Variants in CACNA2D1 observed in about 807,000 individuals in gnomAD.
CACNA2D1 encodes the protein calcium voltage-gated channel auxiliary subunit alpha2delta 1, also known as voltage-dependent calcium channel subunit alpha-2/delta-1.
Under a neutral mutation model 171.5 loss-of-function variants are expected in CACNA2D1, and 53 were observed. The ratio of observed to expected loss-of-function variants is 0.31; its 90% confidence interval spans 0.25 to 0.39. CACNA2D1 has a LOEUF of 0.39. CACNA2D1 is among the 10% of genes least tolerant of loss of function. CACNA2D1 has a pLI of 1.00. For missense variants in CACNA2D1, 903 were observed against 1,299.8 expected (o/e 0.69, Z 4.69); for synonymous variants, 442 against 443.1 (o/e 1.00, Z 0.03).
intron 6 of CACNA2D1, among the ~76,000 whole-genome samples, chr7:82,098,869 T>A (rs1249175784): frequency 6.6e-6 from 1 of 152,198 alleles, no homozygotes; most frequent in Admixed American, 6.5e-5. Flanking sequence ...TAGAAACTTA[T>A]CAGATTTTTA....
chr7:82,353,270 T>C (rs1026965882), intron 1 of CACNA2D1, among the ~76,000 whole-genome samples: 13 of 152,048 alleles, frequency 8.5e-5, no homozygotes, highest in South Asian at 4.2e-4. Flanking sequence ...CTGTTGGATA[T>C]AGAAAGTGAA....
At chr7:82,149,868 A>G (rs1793608094) in intron 4 of CACNA2D1, among the ~76,000 whole-genome samples, 1 of 151,304 alleles carries the variant, frequency 6.6e-6, no homozygotes, top group South Asian at 2.1e-4. Flanking sequence ...GAGGCAGGAG[A>G]ATGGCGTGAA....
intron 12 of CACNA2D1, among the ~76,000 whole-genome samples, chr7:82,016,013 G>T (rs939899895): frequency 3.0e-4 from 45 of 152,160 alleles, no homozygotes; most frequent in African/African-American, 1.0e-3. Context: ...ACTTCAAACT[G>T]TAAGAATAAA....
rs767396763 is a variant in CACNA2D1 at position 81,982,582 on chromosome 7, G to A, written c.1940C>T (p.Thr647Ile). 6.2e-7 allele frequency: 1 copy of A among 1,603,860 alleles called. No homozygotes were observed. The highest frequency in any genetic ancestry group is 2.2e-5 in the East Asian group (1 of 44,756). ...CAAAACCAACCTTGGTGCTATGAAT[G>A]TATAGCCAGATTCTTCAAAATTATC... ...KPDNFEESGY[T>I]FIAPRDYCND... The change falls in exon 24 of 39, where the codon ACA (threonine) becomes ATA (isoleucine). Residue 647 changes from threonine to isoleucine, a missense_variant. Physicochemically the swap from Thr to Ile is moderately conservative, Grantham distance 89 (BLOSUM62 -1). Coordinates refer to ENST00000356860, the MANE Select transcript of CACNA2D1 (RefSeq NM_000722.4).
At chr7:82,420,707 T>C (rs762904696) in intron 1 of CACNA2D1, among the ~76,000 whole-genome samples, 2 of 152,206 alleles carry the variant, frequency 1.3e-5, no homozygotes, top group African/African-American at 2.4e-5. Flanking sequence ...CCTTGCCGCA[T>C]TATTTATAAA....
chr7:82,247,927 C>A (rs1805131045), intron 3 of CACNA2D1, among the ~76,000 whole-genome samples: 1 of 152,126 alleles, frequency 6.6e-6, no homozygotes, highest in Admixed American at 6.6e-5. Context: ...TTAGAACAAG[C>A]CAAGTTATCC....
At chr7:82,235,912 T>C (rs1459762774) in intron 3 of CACNA2D1, among the ~76,000 whole-genome samples, 1 of 152,128 alleles carries the variant, frequency 6.6e-6, no homozygotes, top group Non-Finnish European at 1.5e-5. Context: ...GATATTTCCA[T>C]GACTCATTCC....
chr7:81,980,811 G>T (rs1796367321), intron 24 of CACNA2D1, among the ~76,000 whole-genome samples: 1 of 152,086 alleles, frequency 6.6e-6, no homozygotes, highest in Admixed American at 6.6e-5. Context: ...GATTAGAAGT[G>T]AGATACAAGA....
Position 82,418,262 on chromosome 7 carries a change from T to C in CACNA2D1, c.95+25103A>G, listed in dbSNP as rs540005498. On this transcript the variant is annotated intron_variant, in intron 1 of 38. Transcript: ENST00000356860. The stretch of plus-strand genomic sequence containing the variant: ...AGGATGGGAGAAACCAGCCCCCTGA[T>C]TCAATTATCTCCACCTGGTCCCCCC... Among the ~76,000 whole-genome samples, 6 of 152,200 alleles carry C rather than the reference T, an allele frequency of 3.9e-5. No homozygotes were observed. In the South Asian group the frequency reaches 1.2e-3, roughly 32 times the overall value.
chr7:82,329,508 T>C (rs116826426), intron 3 of CACNA2D1, among the ~76,000 whole-genome samples: 1,750 of 152,212 alleles, frequency 0.011, 41 homozygotes, highest in African/African-American at 0.04. Context: ...GACCACAGAT[T>C]TCATTTATCT....
chr7:81,960,347 C>A (rs540511646), intron 36 of CACNA2D1, among the ~76,000 whole-genome samples: 1 of 152,134 alleles, frequency 6.6e-6, no homozygotes, highest in Admixed American at 6.6e-5. Flanking sequence ...GGGTATTGGG[C>A]ACTTAAAATG....
At chr7:82,443,802 T>G, upstream of CACNA2D1, 2 of 907,050 alleles carry the variant, frequency 2.2e-6, no homozygotes, top group Non-Finnish European at 1.4e-6. Flanking sequence ...CCTCCCTGAT[T>G]TATTCCCCCG....
chr7:82,144,821 C>T (rs1036930170), intron 4 of CACNA2D1, among the ~76,000 whole-genome samples: 2 of 151,960 alleles, frequency 1.3e-5, no homozygotes, highest in East Asian at 1.9e-4. Flanking sequence ...AATAACTCTA[C>T]ATTTTGATTG....
chr7:82,048,328 T>G (rs1295405793), intron 10 of CACNA2D1, among the ~76,000 whole-genome samples: 1 of 152,166 alleles, frequency 6.6e-6, no homozygotes, highest in Non-Finnish European at 1.5e-5. Flanking sequence ...CATAACATTT[T>G]AAAATATATT....
intron 1 of CACNA2D1, among the ~76,000 whole-genome samples, chr7:82,439,232 CAA>C (rs1168333670): frequency 6.6e-6 from 1 of 151,876 alleles, no homozygotes; most frequent in East Asian, 1.9e-4. Context: ...TAAAATTTCT[CAA>C]TGCATTATTG....
intron 7 of CACNA2D1, among the ~76,000 whole-genome samples, chr7:82,075,137 T>A (rs1181878103): frequency 6.6e-6 from 1 of 151,832 alleles, no homozygotes; most frequent in East Asian, 1.9e-4. Context: ...TTTCCAGAAG[T>A]TTTCTCAAAC....
intron 12 of CACNA2D1, among the ~76,000 whole-genome samples, chr7:82,016,333 A>T (rs1800443259): frequency 6.6e-6 from 1 of 151,898 alleles, no homozygotes. Context: ...GCACTGGGGG[A>T]TCTCTCTCAT....
intron 6 of CACNA2D1, among the ~76,000 whole-genome samples, chr7:82,095,996 T>C (rs1164576039): frequency 6.6e-6 from 1 of 152,234 alleles, no homozygotes; most frequent in Non-Finnish European, 1.5e-5. Context: ...AATATCACTA[T>C]GAAGCTTCTT....
chr7:81,949,855 A>T lies in CACNA2D1; in HGVS notation c.*537T>A, dbSNP rs561617405. ...TATTCATGGCAAATTTTTCATAGAAAATTAGCCATTATTTATATTTCAACA... is the reference window on the plus strand; with the variant it reads ...TATTCATGGCAAATTTTTCATAGAATATTAGCCATTATTTATATTTCAACA... On this transcript the variant is annotated 3_prime_UTR_variant, in exon 39 of 39. Coordinates refer to ENST00000356860, the MANE Select transcript of CACNA2D1 (RefSeq NM_000722.4). The T allele has an allele frequency of 6.6e-6, 1 of 152,602 alleles. No individual in the cohort carries two copies. Among genetic ancestry groups the T allele is most frequent in the African/African-American group, 2.4e-5 (1 of 41,560 alleles). 9.5% of individuals were successfully genotyped at this position (152,602 alleles called of 1,614,324 possible). A position where few individuals can be genotyped will look rare whatever the true frequency, so the allele number is the denominator to read the frequency against.
Sources: allele counts gnomAD v4.1 joint callset (sites outside exome capture counted in the v4.1 genomes callset), GRCh38; gene constraint gnomAD v4.1.1; transcripts MANE v1.5; gene names NCBI Gene and HGNC (gene_info 2026-07-23, HGNC 2026-07-21).